The following HYLS1 variants were observed in gnomAD, a reference collection of about 807,000 sequenced individuals.
The protein encoded by HYLS1 is centriolar and ciliogenesis-associated protein HYLS1.
In HYLS1, 25 loss-of-function variants were observed where a neutral mutation model predicts 29.4. That is an observed-to-expected ratio of 0.85 (90% CI 0.62 to 1.19). The LOEUF (loss-of-function observed/expected upper bound fraction) is 1.19. HYLS1 is among the 50% of genes most tolerant of loss of function. The pLI, the probability that HYLS1 is intolerant of heterozygous loss-of-function variation, is 0.00. For synonymous variants in HYLS1, 128 were observed against 126.7 expected (o/e 1.01, Z -0.07); for missense variants, 352 against 365.1 (o/e 0.96, Z 0.29).
At chr11:125,887,017 G>A (rs1329256345), upstream of HYLS1, 1 of 152,578 alleles carries the variant, frequency 6.6e-6, no homozygotes. Flanking sequence ...GGCAGTCGGT[G>A]GCTGGAGCAC....
intron 2 of HYLS1, chr11:125,895,510 G>A: frequency 6.2e-7 from 1 of 1,614,128 alleles, no homozygotes; most frequent in Non-Finnish European, 8.5e-7. Context: ...CTGAAATCAT[G>A]GGTGCCAACA....
In HYLS1 at chr11:125,899,594, A is replaced by C; in HGVS notation, c.226A>C (p.Asn76His). 5.0e-6 allele frequency: 8 copies of C among 1,614,186 alleles called. No individual in the cohort carries two copies. The highest frequency in any genetic ancestry group is 5.9e-6 in the Non-Finnish European group (7 of 1,180,022). The stretch of plus-strand genomic sequence containing the variant: ...ACTACAGTACCCACATGTAGAAAGT[A>C]ATGTCCCTTCAGAAACAGTCTCTGA... ...VQLQYPHVES[N>H]VPSETVSEAS... The change falls in exon 3 of 3, where the codon AAT becomes CAT. Residue 76 changes from asparagine to histidine, a missense_variant. By Grantham distance (68) the Asn-to-His change is moderately conservative. Coordinates refer to ENST00000425380, the MANE Select transcript of HYLS1 (RefSeq NM_001134793.2).
chr11:125,885,421 A>G (rs536109565), upstream of HYLS1, among the ~76,000 whole-genome samples: 1 of 152,164 alleles, frequency 6.6e-6, no homozygotes, highest in Non-Finnish European at 1.5e-5. Context: ...ACTGCACCCC[A>G]GCCTGGGCTA....
intron 1 of HYLS1, among the ~76,000 whole-genome samples, chr11:125,890,542 C>T (rs1031962735): frequency 6.6e-6 from 1 of 152,150 alleles, no homozygotes; most frequent in Non-Finnish European, 1.5e-5. Flanking sequence ...GTCTACTGAC[C>T]CAGTCCCTTT....
upstream of HYLS1, among the ~76,000 whole-genome samples, chr11:125,884,751 T>C (rs1395233450): frequency 1.3e-5 from 2 of 152,252 alleles, no homozygotes; most frequent in African/African-American, 4.8e-5. Context: ...TGTGGTGATA[T>C]AGAAGCAACA....
At chr11:125,894,031 A>C (rs1311323980) in intron 2 of HYLS1, 1 of 1,614,212 alleles carries the variant, frequency 6.2e-7, no homozygotes, top group African/African-American at 1.3e-5. Flanking sequence ...CTACAAAGGC[A>C]CTGGTCTGCT....
intron 2 of HYLS1, chr11:125,896,289 T>A: frequency 6.2e-7 from 1 of 1,600,820 alleles, no homozygotes; most frequent in South Asian, 1.1e-5. Flanking sequence ...AGCCATGATA[T>A]GACAACCCCA....
chr11:125,899,480 G>C lies in HYLS1; in HGVS notation c.112G>C (p.Asp38His). 1.9e-6 allele frequency: 3 copies of C among 1,614,208 alleles called. No individual in the cohort carries two copies. Among genetic ancestry groups the C allele is most frequent in the Non-Finnish European group, 2.5e-6 (3 of 1,180,038 alleles). The part of the protein sequence containing the change: ...THICAGQGEG[D>H]VRREAQSIQY... ...CATCTGTGCAGGGCAGGGTGAAGGA[G>C]ATGTCAGGAGAGAAGCCCAATCTAT... Residue 38 changes from aspartate to histidine, a missense_variant, in exon 3 of 3, where the codon GAT (aspartate) becomes CAT (histidine). Coordinates refer to ENST00000425380, the MANE Select transcript of HYLS1 (RefSeq NM_001134793.2).
upstream of HYLS1, among the ~76,000 whole-genome samples, chr11:125,884,415 C>G (rs142428498): frequency 0.03 from 4,613 of 151,598 alleles, 185 homozygotes; most frequent in African/African-American, 0.1. Context: ...CGAGACCATC[C>G]TGGCTAACAT....
chr11:125,898,327 G>A (rs1346057572), intron 2 of HYLS1, among the ~76,000 whole-genome samples: 2 of 152,214 alleles, frequency 1.3e-5, no homozygotes, highest in African/African-American at 4.8e-5. Flanking sequence ...GCTGATTGAT[G>A]TGGATACCAA....
intron 2 of HYLS1, chr11:125,894,269 G>A (rs750945225): frequency 1.2e-6 from 2 of 1,608,192 alleles, no homozygotes; most frequent in Non-Finnish European, 1.7e-6. Flanking sequence ...TAAGACTAGA[G>A]GAAATTCTAC....
At chr11:125,895,168 G>A (rs888325506) in intron 2 of HYLS1, 57 of 1,412,278 alleles carry the variant, frequency 4.0e-5, no homozygotes, top group Non-Finnish European at 4.9e-5. Context: ...TGCCTCAAGC[G>A]TCCCGAGTAG....
chr11:125,886,739 C>T (rs1944311534), upstream of HYLS1, among the ~76,000 whole-genome samples: 2 of 151,484 alleles, frequency 1.3e-5, no homozygotes, highest in Non-Finnish European at 2.9e-5. Flanking sequence ...TGGTGAAACC[C>T]CATCTCTACT....
chr11:125,895,856 C>T (rs1944567924), intron 2 of HYLS1: 1 of 1,589,576 alleles, frequency 6.3e-7, no homozygotes, highest in African/African-American at 1.3e-5. Context: ...GTGTGTATAC[C>T]TAGAATATCC....
chr11:125,885,132 A>C (rs1944283758), upstream of HYLS1, among the ~76,000 whole-genome samples: 1 of 152,204 alleles, frequency 6.6e-6, no homozygotes, highest in African/African-American at 2.4e-5. Flanking sequence ...GTTTTCAAAG[A>C]TCAAAATTTA....
intron 2 of HYLS1, chr11:125,895,401 C>T: frequency 6.2e-7 from 1 of 1,614,110 alleles, no homozygotes; most frequent in Middle Eastern, 1.6e-4. Context: ...TTGCCATCTC[C>T]CCTCACCTGG....
At chr11:125,886,572 A>T (rs1053579909), upstream of HYLS1, among the ~76,000 whole-genome samples, 1 of 117,460 alleles carries the variant, frequency 8.5e-6, no homozygotes, top group African/African-American at 3.6e-5. Flanking sequence ...CAAGCACTAG[A>T]TTTTTTTTTT....
upstream of HYLS1, among the ~76,000 whole-genome samples, chr11:125,885,073 C>A (rs1944283178): frequency 6.6e-6 from 1 of 152,112 alleles, no homozygotes; most frequent in Admixed American, 6.5e-5. Context: ...ATACCACTTG[C>A]AATATGAAAT....
Position 125,899,971 on chromosome 11 carries a change from C to T in HYLS1, c.603C>T (p.Asp201=), listed in dbSNP as rs560832192. The change falls in exon 3 of 3, where the codon GAC becomes GAT. Residue 201 remains aspartate, a synonymous_variant. Transcript: ENST00000425380. ...AGTCCTTTATTCTCCCAAAGCTGGACCAGTTAAGCCGAAACCGGGGCAAGA... is the reference window on the plus strand; with the variant it reads ...AGTCCTTTATTCTCCCAAAGCTGGATCAGTTAAGCCGAAACCGGGGCAAGA... ...RPKSFILPKL[D]QLSRNRGKTD... 2.5e-6 allele frequency: 4 copies of T among 1,614,190 alleles called. No homozygotes were observed. Among genetic ancestry groups the T allele is most frequent in the Admixed American group, 1.7e-5 (1 of 60,024 alleles).
Sources: allele counts gnomAD v4.1 joint callset (sites outside exome capture counted in the v4.1 genomes callset), GRCh38; gene constraint gnomAD v4.1.1; transcripts MANE v1.5; gene names NCBI Gene and HGNC (gene_info 2026-07-23, HGNC 2026-07-21).